Variants in PDSS2 observed in about 807,000 individuals in gnomAD.
PDSS2 encodes all trans-polyprenyl-diphosphate synthase PDSS2.
In PDSS2, 31 loss-of-function variants were observed where a neutral mutation model predicts 44.5. That is an observed-to-expected ratio of 0.70 (90% CI 0.52 to 0.94). The LOEUF is 0.94. Ranked by LOEUF, PDSS2 falls within the 40% of genes least tolerant of loss-of-function variation. The pLI is 0.00. For missense variants in PDSS2, 452 were observed against 482.2 expected, an observed-to-expected ratio of 0.94 and a Z score of 0.59; for synonymous variants, 157 against 180.3, an observed-to-expected ratio of 0.87 and a Z score of 1.03.
At chr6:107,339,618 T>G (rs79322330) in intron 1 of PDSS2, among the ~76,000 whole-genome samples, 1 of 151,940 alleles carries the variant, frequency 6.6e-6, no homozygotes, top group Non-Finnish European at 1.5e-5. Context: ...AAGAGTGCCA[T>G]GAGAGCTTGG....
intron 1 of PDSS2, among the ~76,000 whole-genome samples, chr6:107,455,122 G>A (rs1032992475): frequency 2.5e-4 from 38 of 151,526 alleles, no homozygotes; most frequent in African/African-American, 9.0e-4. Context: ...TACTTATTCT[G>A]TGCCTTTCCA....
At chr6:107,283,422 A>C (rs191733130) in intron 2 of PDSS2, among the ~76,000 whole-genome samples, 21 of 152,268 alleles carry the variant, frequency 1.4e-4, no homozygotes, top group Admixed American at 2.6e-4. Context: ...AGTTGATGTT[A>C]AAATAGGAGA....
chr6:107,355,871 G>A (rs370447258), intron 1 of PDSS2, among the ~76,000 whole-genome samples: 2 of 152,344 alleles, frequency 1.3e-5, no homozygotes, highest in Admixed American at 6.5e-5. Context: ...CACCCTTCAC[G>A]TGTGATTCTA....
intron 2 of PDSS2, among the ~76,000 whole-genome samples, chr6:107,286,136 T>TAAAA (rs1554262539): frequency 7.8e-6 from 1 of 128,744 alleles, no homozygotes. Context: ...CGTCGCAAAA[T>TAAAA]AAAAAAAAAA....
chr6:107,400,586 G>C (rs778276510), intron 1 of PDSS2, among the ~76,000 whole-genome samples: 3 of 152,158 alleles, frequency 2.0e-5, no homozygotes, highest in Non-Finnish European at 4.4e-5. Context: ...GAGGTGGTCT[G>C]CAAGAGAAAG....
chr6:107,401,157 C>T (rs905435329), intron 1 of PDSS2, among the ~76,000 whole-genome samples: 1 of 152,188 alleles, frequency 6.6e-6, no homozygotes, highest in Admixed American at 6.5e-5. Flanking sequence ...GCTGATACAA[C>T]TGTACAGTAC....
At chr6:107,327,230 G>T (rs1340629807) in intron 2 of PDSS2, among the ~76,000 whole-genome samples, 1 of 152,164 alleles carries the variant, frequency 6.6e-6, no homozygotes, top group Non-Finnish European at 1.5e-5. Flanking sequence ...TTCTGAAGCA[G>T]TGGGAACATC....
chr6:107,154,252 T>G lies in PDSS2; in HGVS notation c.*367A>C. The G allele has an allele frequency of 3.3e-6, 1 of 304,886 alleles. No homozygotes were observed. The highest frequency in any genetic ancestry group is 6.3e-6 in the Non-Finnish European group (1 of 158,954). 18.9% of individuals were successfully genotyped at this position (304,886 alleles called of 1,614,324 possible). Reference sequence around the variant, plus strand: ...TTGACACCTGCAGCTTCCAACTTGCTTTGTCCTCTCTAGCAGGAAAAACCA... The same window carrying G: ...TTGACACCTGCAGCTTCCAACTTGCGTTGTCCTCTCTAGCAGGAAAAACCA... On this transcript the variant is annotated 3_prime_UTR_variant, in exon 8 of 8. Coordinates refer to ENST00000369037, the MANE Select transcript of PDSS2 (RefSeq NM_020381.4).
At chr6:107,170,081 G>A (rs1771508089) in intron 7 of PDSS2, among the ~76,000 whole-genome samples, 1 of 152,206 alleles carries the variant, frequency 6.6e-6, no homozygotes, top group Non-Finnish European at 1.5e-5. Context: ...CAGAGGTGGA[G>A]TCTACAGAGG....
At chr6:107,373,994 C>T (rs1779204243) in intron 1 of PDSS2, among the ~76,000 whole-genome samples, 1 of 152,130 alleles carries the variant, frequency 6.6e-6, no homozygotes, top group African/African-American at 2.4e-5. Flanking sequence ...GTGCTCACGC[C>T]TGTAATCTCA....
At chr6:107,338,666 G>A (rs77390027) in intron 1 of PDSS2, among the ~76,000 whole-genome samples, 3,249 of 152,256 alleles carry the variant, frequency 0.021, 146 homozygotes, top group East Asian at 0.2. Context: ...GAGGGAAGTA[G>A]CCAGGGGATC....
intron 4 of PDSS2, among the ~76,000 whole-genome samples, chr6:107,219,609 A>G (rs1773532424): frequency 6.6e-6 from 1 of 152,142 alleles, no homozygotes; most frequent in Non-Finnish European, 1.5e-5. Context: ...CTTTAAATCT[A>G]ATCCAGATAT....
chr6:107,451,557 T>C (rs1781866841), intron 1 of PDSS2, among the ~76,000 whole-genome samples: 1 of 152,170 alleles, frequency 6.6e-6, no homozygotes, highest in Non-Finnish European at 1.5e-5. Flanking sequence ...GTTGGTTCCT[T>C]GCTTCTTTCT....
chr6:107,216,316 T>C (rs1465836562), intron 4 of PDSS2, among the ~76,000 whole-genome samples: 1 of 151,152 alleles, frequency 6.6e-6, no homozygotes, highest in Non-Finnish European at 1.5e-5. Flanking sequence ...CTACTAAAAA[T>C]ACAAAAATTA....
rs774293571 is a variant in PDSS2 at position 107,204,184 on chromosome 6, G to A, written c.1008+6255C>T. 5.3e-5 allele frequency among the ~76,000 whole-genome samples: 8 copies of A among 151,962 alleles called. No homozygotes were observed. The South Asian group carries it at 1.0e-3, about 20-fold the overall frequency. ...TCTCGATCTCCTGACCTCGTGATCC[G>A]CCCCCCTCGGCTTCCCAAAGTGCTG... On this transcript the variant is annotated intron_variant, in intron 6 of 7. Transcript: ENST00000369037.
chr6:107,301,606 T>C (rs1291638544), intron 2 of PDSS2, among the ~76,000 whole-genome samples: 2 of 152,124 alleles, frequency 1.3e-5, no homozygotes, highest in Non-Finnish European at 2.9e-5. Flanking sequence ...TTTTATATTG[T>C]TGCTATTTAT....
At chr6:107,445,707 G>T (rs192383297) in intron 1 of PDSS2, among the ~76,000 whole-genome samples, 6 of 152,118 alleles carry the variant, frequency 3.9e-5, no homozygotes, top group South Asian at 2.1e-4. Context: ...GAGAACTGAC[G>T]ACGGCTTCCT....
At chr6:107,413,349 C>T (rs1409237171) in intron 1 of PDSS2, among the ~76,000 whole-genome samples, 1 of 152,152 alleles carries the variant, frequency 6.6e-6, no homozygotes, top group Non-Finnish European at 1.5e-5. Context: ...CAGTACCAGC[C>T]TGAGCAACAT....
intron 1 of PDSS2, among the ~76,000 whole-genome samples, chr6:107,361,635 A>T (rs372093067): frequency 7.2e-5 from 11 of 152,310 alleles, no homozygotes; most frequent in African/African-American, 2.4e-4. Context: ...AACATAAAAC[A>T]TAGGATCACA....
Sources: gnomAD v4.1 joint callset for allele counts (sites outside exome capture counted in the v4.1 genomes callset) on GRCh38, gnomAD v4.1.1 for gene constraint, MANE v1.5 for transcripts, NCBI Gene and HGNC (gene_info 2026-07-23, HGNC 2026-07-21) for gene names.